The following NIPA2 variants were observed in gnomAD, a reference collection of about 807,000 sequenced individuals.
NIPA2 encodes NIPA magnesium transporter 2.
A neutral mutation model predicts 29.7 loss-of-function variants in NIPA2; 11 were observed. The ratio of observed to expected loss-of-function variants is 0.37; its 90% CI spans 0.23 to 0.61. NIPA2 has a LOEUF of 0.61. Among genes scored for constraint, NIPA2 ranks in the 20% least tolerant of loss-of-function variants. The pLI, the probability that NIPA2 is intolerant of heterozygous loss-of-function variation, is 0.66. For synonymous variants in NIPA2, 183 were observed against 161.9 expected (o/e 1.13, Z -0.99); for missense variants, 426 against 437.9 (o/e 0.97, Z 0.24).
intron 5 of NIPA2, among the ~76,000 whole-genome samples, chr15:22,853,779 G>T (rs1351579988): frequency 2.0e-5 from 3 of 152,122 alleles, no homozygotes; most frequent in Non-Finnish European, 4.4e-5. Flanking sequence ...GTATCCATGG[G>T]TTATCCATCC....
chr15:22,865,161 C>T (rs995784044), intron 7 of NIPA2, among the ~76,000 whole-genome samples: 2 of 147,908 alleles, frequency 1.4e-5, no homozygotes, highest in Non-Finnish European at 3.0e-5. Context: ...CACCTGGCTT[C>T]TTGTTCTTAA....
intron 7 of NIPA2, among the ~76,000 whole-genome samples, chr15:22,862,236 CAG>C (rs1487525274): frequency 6.6e-5 from 10 of 151,584 alleles, no homozygotes; most frequent in African/African-American, 2.4e-4. Flanking sequence ...TTAGTAGAGA[CAG>C]GGTTTCACCA....
intron 2 of NIPA2, among the ~76,000 whole-genome samples, chr15:22,843,100 A>C (rs1281672988): frequency 6.9e-6 from 1 of 145,174 alleles, no homozygotes; most frequent in Non-Finnish European, 1.5e-5. Context: ...TGCTACAAAC[A>C]GGGGTCGTGA....
At chr15:22,859,247 G>A (rs1750918285) in intron 6 of NIPA2, among the ~76,000 whole-genome samples, 1 of 151,306 alleles carries the variant, frequency 6.6e-6, no homozygotes, top group Admixed American at 6.6e-5. Flanking sequence ...CAGTGCATGT[G>A]CACTTTGGTA....
chr15:22,851,911 C>T (rs775967428), intron 4 of NIPA2, 41 bp downstream of exon 4: 5 of 1,561,942 alleles, frequency 3.2e-6, no homozygotes, highest in Admixed American at 1.8e-5. Context: ...ACCTCAGTGT[C>T]TACCTACATG....
At chr15:22,842,845 T>A (rs1028535519) in intron 2 of NIPA2, among the ~76,000 whole-genome samples, 3 of 150,806 alleles carry the variant, frequency 2.0e-5, no homozygotes, top group Admixed American at 6.6e-5. Flanking sequence ...AATTAAAAAA[T>A]GCAAAAAATT....
Position 22,867,343 on chromosome 15 carries a change from T to TAAG in NIPA2, c.*497_*499dup, listed in dbSNP as rs139078551. ...TTGGTTTTATTTTTGAAATATTTAT[T>TAAG]AAGGGAAAACTAAGTTACTGAATGA... On this transcript the variant is annotated 3_prime_UTR_variant, in exon 8 of 8. Transcript: ENST00000337451. 738 of 395,988 alleles carry TAAG rather than the reference T, an allele frequency of 1.9e-3. 3 individuals carry two copies. Among genetic ancestry groups the TAAG allele is most frequent in the African/African-American group, 0.013 (618 of 48,664 alleles). The allele number at this position is 395,988 out of a possible 1,614,324, so 24.5% of individuals were successfully genotyped here. A position where few individuals can be genotyped will look rare whatever the true frequency, so the allele number is the denominator to read the frequency against.
intron 3 of NIPA2, among the ~76,000 whole-genome samples, chr15:22,847,478 T>C (rs961623062): frequency 7.2e-5 from 11 of 152,100 alleles, no homozygotes; most frequent in Non-Finnish European, 1.2e-4. Context: ...TTTTTTTTTT[T>C]TTCCGAGACG....
At chr15:22,850,226 G>C (rs980385135) in intron 3 of NIPA2, among the ~76,000 whole-genome samples, 1 of 151,924 alleles carries the variant, frequency 6.6e-6, no homozygotes, top group Non-Finnish European at 1.5e-5. Flanking sequence ...TGAGTCACTG[G>C]GACGATTTTG....
intron 5 of NIPA2, among the ~76,000 whole-genome samples, chr15:22,853,789 C>G (rs1351159363): frequency 6.6e-6 from 1 of 152,116 alleles, no homozygotes; most frequent in African/African-American, 2.4e-5. Context: ...GTTATCCATC[C>G]CCTCAACAAT....
intron 2 of NIPA2, among the ~76,000 whole-genome samples, chr15:22,843,819 A>C (rs1234917200): frequency 6.6e-6 from 1 of 151,928 alleles, no homozygotes; most frequent in Non-Finnish European, 1.5e-5. Context: ...GCAAATACAA[A>C]AAAATAATTT....
chr15:22,845,910 C>T (rs1359558200), intron 3 of NIPA2, among the ~76,000 whole-genome samples: 2 of 152,112 alleles, frequency 1.3e-5, no homozygotes, highest in African/African-American at 4.8e-5. Context: ...TAAATAGCAT[C>T]ATGAAACTTT....
At chr15:22,853,960 T>A (rs1295521858) in intron 5 of NIPA2, among the ~76,000 whole-genome samples, 3 of 151,890 alleles carry the variant, frequency 2.0e-5, no homozygotes, top group African/African-American at 7.3e-5. Flanking sequence ...CCTGAGTAGC[T>A]GAGACTACTG....
chr15:22,860,561 TTTTA>T, intron 6 of NIPA2, 64 bp from the exon 7 acceptor site: 1 of 1,027,254 alleles, frequency 9.7e-7, no homozygotes, highest in Non-Finnish European at 1.4e-6. Flanking sequence ...AAATTACGAG[TTTTA>T]TTGATATTTG....
intron 7 of NIPA2, among the ~76,000 whole-genome samples, chr15:22,864,784 G>T (rs573800657): frequency 1.3e-5 from 2 of 152,318 alleles, no homozygotes; most frequent in East Asian, 1.9e-4. Context: ...CAGCGGATGT[G>T]TAGGATTCCG....
intron 5 of NIPA2, among the ~76,000 whole-genome samples, chr15:22,856,257 T>C (rs1256030730): frequency 6.6e-6 from 1 of 152,090 alleles, no homozygotes; most frequent in Admixed American, 6.5e-5. Context: ...TCTGGCATTA[T>C]CCAGAAGGAA....
intron 7 of NIPA2, among the ~76,000 whole-genome samples, chr15:22,863,410 C>T (rs1022087036): frequency 6.6e-6 from 1 of 152,216 alleles, no homozygotes; most frequent in East Asian, 1.9e-4. Context: ...TTATTCATAG[C>T]CCTTTGGCTC....
intron 2 of NIPA2, among the ~76,000 whole-genome samples, chr15:22,840,289 A>G (rs900017792): frequency 7.4e-6 from 1 of 135,358 alleles, no homozygotes; most frequent in Admixed American, 7.6e-5. Flanking sequence ...CTCTATATAT[A>G]GTTTTTTTTT....
At position 22,867,459 on chromosome 15, in the gene NIPA2, T is replaced by A. The variant is rs753126786; in HGVS notation, c.*612T>A. ...TGAGATGATCACCGTGAATCCGGCT[T>A]CCTCTGAGCATTCGATGGCCTTAGC... On this transcript the variant is annotated 3_prime_UTR_variant, in exon 8 of 8. Transcript: ENST00000337451. 8.7e-6 allele frequency: 3 copies of A among 344,856 alleles called. No homozygotes were observed. Among genetic ancestry groups the A allele is most frequent in the Non-Finnish European group, 1.5e-5 (3 of 193,782 alleles). 21.4% of individuals were successfully genotyped at this position (344,856 alleles called of 1,614,324 possible). A position where few individuals can be genotyped will look rare whatever the true frequency, so the allele number is the denominator to read the frequency against.
Sources: gnomAD v4.1 joint callset for allele counts (sites outside exome capture counted in the v4.1 genomes callset) on GRCh38, gnomAD v4.1.1 for gene constraint, MANE v1.5 for transcripts, NCBI Gene and HGNC (gene_info 2026-07-23, HGNC 2026-07-21) for gene names.